Variants in ABCA3 observed in about 807,000 individuals in gnomAD.
ABCA3 encodes phospholipid-transporting ATPase ABCA3.
A neutral mutation model predicts 172.8 loss-of-function variants in ABCA3; 88 were observed. The observed-to-expected ratio is 0.51, with a 90% CI of 0.43 to 0.61. The LOEUF (loss-of-function observed/expected upper bound fraction) is 0.61, where lower values mean the gene tolerates loss of function less well. Ranked by LOEUF, ABCA3 falls within the 20% of genes least tolerant of loss-of-function variation. The pLI, the probability that ABCA3 is intolerant of heterozygous loss-of-function variation, is 0.00. For synonymous variants in ABCA3, 1,066 were observed against 983.8 expected (o/e 1.08, Z -1.56); for missense variants, 2,164 against 2,301.0 (o/e 0.94, Z 1.22).
intron 4 of ABCA3, 35 bp from the exon 5 acceptor site, chr16:2,326,309 G>A (rs1404263121): frequency 6.2e-7 from 1 of 1,611,514 alleles, no homozygotes; most frequent in African/African-American, 1.3e-5. Flanking sequence ...GTGATGGGCT[G>A]CAAGGCAGAA....
At chr16:2,300,989 G>T (rs1293827640) in intron 12 of ABCA3, among the ~76,000 whole-genome samples, 1 of 150,092 alleles carries the variant, frequency 6.7e-6, no homozygotes, top group African/African-American at 2.5e-5. Context: ...CCAGCACTTT[G>T]GGAGGCCGAG....
Position 2,283,356 on chromosome 16 carries a change from T to C in ABCA3, c.3865A>G (p.Ile1289Val), listed in dbSNP as rs767424573. Residue 1289 changes from isoleucine (I) to valine (V), a missense_variant and splice_region_variant, in exon 26 of 33, where the codon ATC becomes GTC. Ile to Val is a conservative substitution (Grantham distance 29). Transcript: ENST00000301732. The surrounding 1 kb of genome is among the most constrained non-coding windows in gnomAD (Gnocchi z 5.4). ...GCATAGAAGTTCTCCTGGTACTGGATGTCTGTGGGGCGAGGGAGTCACTGT... is the reference window on the plus strand; with the variant it reads ...GCATAGAAGTTCTCCTGGTACTGGACGTCTGTGGGGCGAGGGAGTCACTGT... ...VAAHYCKKYN[I>V]QYQENFYAWS... 3.1e-6 allele frequency: 5 copies of C among 1,612,666 alleles called. No individual in the cohort carries two copies. In the Admixed American group the frequency reaches 6.7e-5, roughly 21 times the overall value.
chr16:2,299,556 C>A (rs2093685668), intron 13 of ABCA3, 24 bp from the exon 14 acceptor site: 1 of 1,611,314 alleles, frequency 6.2e-7, no homozygotes, highest in Non-Finnish European at 8.5e-7. Context: ...AGAGGCTGCC[C>A]TGGGCTACCC....
Position 2,297,357 on chromosome 16 carries a change from C to A in ABCA3, c.2235G>T (p.Gly745=). Reference sequence around the variant, plus strand: ...ATTTCTGCTTGAGGAACAGCGAGGACCCGCAGCACTGCAGCTCCCCCTTGG... The same window carrying A: ...ATTTCTGCTTGAGGAACAGCGAGGAACCGCAGCACTGCAGCTCCCCCTTGG... The part of the protein sequence containing the change: ...IMAKGELQCC[G]SSLFLKQKYG... Residue 745 remains glycine, a synonymous_variant, in exon 17 of 33, where the codon GGG becomes GGT. Coordinates refer to ENST00000301732, the MANE Select transcript of ABCA3 (RefSeq NM_001089.3). This position sits in a 1 kb window ranked among gnomAD's most constrained non-coding sequence, Gnocchi z 5.6. The A allele has an allele frequency of 6.2e-7, 1 of 1,612,530 alleles. No homozygotes were observed. The highest frequency in any genetic ancestry group is 8.5e-7 in the Non-Finnish European group (1 of 1,180,002).
At chr16:2,329,443 A>G (rs1189004093) in intron 2 of ABCA3, among the ~76,000 whole-genome samples, 3 of 152,180 alleles carry the variant, frequency 2.0e-5, no homozygotes, top group Non-Finnish European at 4.4e-5. Context: ...TGCCTCTACC[A>G]AGTGAGGAAT....
intron 1 of ABCA3, among the ~76,000 whole-genome samples, chr16:2,340,250 G>C (rs904704795): frequency 9.2e-5 from 14 of 152,234 alleles, no homozygotes; most frequent in African/African-American, 3.4e-4. Flanking sequence ...GGGCCGTGCC[G>C]AGTCTCCGCA....
chr16:2,334,791 C>T (rs2141751592), intron 1 of ABCA3, among the ~76,000 whole-genome samples: 1 of 149,018 alleles, frequency 6.7e-6, no homozygotes, highest in Non-Finnish European at 1.5e-5. Context: ...GTGCTAGGAT[C>T]ACAGGTGTGA....
At chr16:2,293,337 C>T (rs1225384674) in intron 18 of ABCA3, among the ~76,000 whole-genome samples, 1 of 149,596 alleles carries the variant, frequency 6.7e-6, no homozygotes, top group South Asian at 2.1e-4. Flanking sequence ...AGGCAATGAG[C>T]TACCAAGCTA....
chr16:2,295,783 AGGTCTCTTCATGCCCACCCCGG>A (rs2093678887), intron 17 of ABCA3, 43 bp from the exon 18 acceptor site: 1 of 1,612,740 alleles, frequency 6.2e-7, no homozygotes, highest in African/African-American at 1.3e-5. Flanking sequence ...CTGATCCCCC[AGGTCTCTTCATGCCCACCCCGG>A]GGTCTCTAGG....
At position 2,284,753 on chromosome 16, in the gene ABCA3, G is replaced by A. The variant is rs765908186; in HGVS notation, c.3703+26C>T. On this transcript the variant is annotated intron_variant, in intron 24 of 32. Coordinates refer to ENST00000301732, the MANE Select transcript of ABCA3 (RefSeq NM_001089.3). This position sits in a 1 kb window ranked among gnomAD's most constrained non-coding sequence, Gnocchi z 5.9. ...AGTGGCTCCGTGGATGGCCATGGGG[G>A]CTGCGGGTGGTCTCCAGGTGCCCAC... 3.1e-6 allele frequency: 5 copies of A among 1,605,430 alleles called. No homozygotes were observed. Among genetic ancestry groups the A allele is most frequent in the Non-Finnish European group, 4.3e-6 (5 of 1,176,092 alleles).
chr16:2,327,589 C>T (rs753973981), intron 3 of ABCA3, among the ~76,000 whole-genome samples: 7 of 152,302 alleles, frequency 4.6e-5, no homozygotes, highest in South Asian at 2.1e-4. Flanking sequence ...GGAGCAGGCC[C>T]GGGTAGGCAG....
intron 19 of ABCA3, among the ~76,000 whole-genome samples, chr16:2,291,415 G>A (rs1383815494): frequency 3.3e-5 from 5 of 152,094 alleles, no homozygotes; most frequent in Admixed American, 2.6e-4. Flanking sequence ...CTCCCAAAGT[G>A]CTGGGATGAC....
At position 2,326,480 on chromosome 16, in the gene ABCA3, G is replaced by C. The variant is rs1405911272; in HGVS notation, c.-14C>G. 1 of 1,606,894 alleles carries C rather than the reference G, an allele frequency of 6.2e-7. No homozygotes were observed. The highest frequency in any genetic ancestry group is 8.5e-7 in the Non-Finnish European group (1 of 1,176,406). On this transcript the variant is annotated 5_prime_UTR_variant, in exon 4 of 33. Coordinates refer to ENST00000301732, the MANE Select transcript of ABCA3 (RefSeq NM_001089.3). Reference sequence around the variant, plus strand: ...GAGCACAGCCATCGTCTTGCTGAAAGGGACGCCCAGTGCTAGTTACAGACC... The same window carrying C: ...GAGCACAGCCATCGTCTTGCTGAAACGGACGCCCAGTGCTAGTTACAGACC...
At position 2,288,154 on chromosome 16, in the gene ABCA3, G is replaced by A. The variant is rs751751282; in HGVS notation, c.2876C>T (p.Thr959Ile). The change falls in exon 21 of 33, where the codon ACC (threonine) becomes ATC (isoleucine). Residue 959 changes from threonine (T) to isoleucine (I), a missense_variant. This residue lies in a region of ABCA3 where 1,343 missense variants were observed against 1,369.6 expected (regional missense o/e 0.98). Transcript: ENST00000301732. Reference protein sequence around the residue: ...ELFDDPMLRLTLGEYGRTVVP... With the variant: ...ELFDDPMLRLILGEYGRTVVP... ...GACGGTTCTGCCGTACTCGCCCAAG[G>A]TCAGCCTCAGCATGGGGTCGTCGAA... 5.6e-6 allele frequency: 9 copies of A among 1,611,172 alleles called. No homozygotes were observed. The highest frequency in any genetic ancestry group is 1.7e-5 in the Admixed American group (1 of 59,640).
Position 2,285,635 on chromosome 16 carries a change from C to A in ABCA3, c.3290G>T (p.Gly1097Val). The change falls in exon 23 of 33, where the codon GGA becomes GTA. Residue 1097 changes from glycine to valine, a missense_variant. Physicochemically the swap from Gly to Val is moderately radical, Grantham distance 109. Transcript: ENST00000301732. This position sits in a 1 kb window ranked among gnomAD's most constrained non-coding sequence, Gnocchi z 4.7. ...GAGCAGGTTGAGGGCAATGTCGAATCCCTTCCGGCCCCTGCGGGGGACAGA... is the reference window on the plus strand; with the variant it reads ...GAGCAGGTTGAGGGCAATGTCGAATACCTTCCGGCCCCTGCGGGGGACAGA... ...AKDQFNEGRKGFDIALNLLFA... is the reference protein window; with the variant it reads ...AKDQFNEGRKVFDIALNLLFA... 1 of 1,552,278 alleles carries A rather than the reference C, an allele frequency of 6.4e-7. No homozygotes were observed. The highest frequency in any genetic ancestry group is 8.7e-7 in the Non-Finnish European group (1 of 1,147,354).
intron 9 of ABCA3, 92 bp from the exon 10 acceptor site, chr16:2,317,495 C>T: frequency 4.4e-6 from 7 of 1,598,330 alleles, no homozygotes; most frequent in South Asian, 1.1e-5. Context: ...GACGCGGCTC[C>T]ACCGAGAGGA....
At chr16:2,305,694 G>A (rs1367485338) in intron 11 of ABCA3, among the ~76,000 whole-genome samples, 1 of 152,092 alleles carries the variant, frequency 6.6e-6, no homozygotes, top group African/African-American at 2.4e-5. Flanking sequence ...CAAAGTGCTG[G>A]GATTACAGGT....
At chr16:2,289,320 C>G in intron 20 of ABCA3, 114 bp downstream of exon 20, 1 of 1,337,360 alleles carries the variant, frequency 7.5e-7, no homozygotes, top group Non-Finnish European at 1.0e-6. Context: ...GGTGTGCTGA[C>G]TCTCCCGGAC....
rs772507862 is a variant in ABCA3, at chr16:2,326,244, G to C, written c.85C>G (p.Leu29Val). ...KRKVLVTVLE[L>V]FLPLLFSGIL... is the part of the protein sequence containing the mutation. Reference sequence around the variant, plus strand: ...CCAGAAAACAGCAATGGCAGGAAGAGTTCCAGGACCGTCACCAGGACCTTC... The same window carrying C: ...CCAGAAAACAGCAATGGCAGGAAGACTTCCAGGACCGTCACCAGGACCTTC... Residue 29 changes from leucine (L) to valine (V), a missense_variant, in exon 5 of 33, where the codon CTC becomes GTC. This residue lies in a region of ABCA3 where 1,343 missense variants were observed against 1,369.6 expected (regional missense o/e 0.98). Transcript: ENST00000301732. 1 of 1,613,760 alleles carries C rather than the reference G, an allele frequency of 6.2e-7. No individual in the cohort carries two copies. Among genetic ancestry groups the C allele is most frequent in the South Asian group, 1.1e-5 (1 of 91,090 alleles).
Sources: gnomAD v4.1 joint callset for allele counts (sites outside exome capture counted in the v4.1 genomes callset) on GRCh38, gnomAD v4.1.1 for gene constraint, gnomAD v4.1.1 regional missense constraint, Gnocchi (gnomAD v3.1) non-coding constraint, MANE v1.5 for transcripts, NCBI Gene and HGNC (gene_info 2026-07-23, HGNC 2026-07-21) for gene names.